Variants in DRP2 observed in about 807,000 individuals in gnomAD.
DRP2 encodes the protein dystrophin related protein 2.
A neutral mutation model predicts 78.2 loss-of-function variants in DRP2; 29 were observed. The observed-to-expected ratio is 0.37, with a 90% CI of 0.28 to 0.51. DRP2 has a LOEUF of 0.51. Among genes scored for constraint, DRP2 ranks in the 20% least tolerant of loss-of-function variants. The probability of loss-of-function intolerance (pLI) is 0.94; values close to 1 mark genes in which losing one functional copy is unlikely to be tolerated. For synonymous variants in DRP2, 290 were observed against 281.9 expected, an observed-to-expected ratio of 1.03 and a Z score of -0.29; for missense variants, 686 against 770.6, an observed-to-expected ratio of 0.89 and a Z score of 1.30.
At position 101,260,559 on chromosome X, in the gene DRP2, C is replaced by T. The variant is rs141816203; in HGVS notation, c.2812C>T (p.Arg938Cys). Residue 938 changes from arginine (R) to cysteine (C), a missense_variant, in exon 24 of 24, where the codon CGT (arginine) becomes TGT (cysteine). By Grantham distance (180) the Arg-to-Cys change is radical (BLOSUM62 -3). Around this residue, in one of 2 missense-constraint regions of DRP2, gnomAD observed 423 missense variants for 531.5 expected, o/e 0.80. Coordinates refer to ENST00000395209, the MANE Select transcript of DRP2 (RefSeq NM_001939.3). Reference protein sequence around the residue: ...LCLEDIMEKLRHAFPSVRSSD... With the variant: ...LCLEDIMEKLCHAFPSVRSSD... The stretch of plus-strand genomic sequence containing the variant: ...CTTGGAGGACATCATGGAGAAACTC[C>T]GTCATGCCTTCCCCAGTGTGCGAAG... The T allele has an allele frequency of 1.6e-4, 188 of 1,209,293 alleles. No individual in the cohort carries two copies. Among genetic ancestry groups the T allele is most frequent in the Non-Finnish European group, 2.0e-4 (181 of 894,957 alleles).
Position 101,241,904 on chromosome X carries a change from G to A in DRP2, c.796G>A (p.Asp266Asn). The change falls in exon 7 of 24, where the codon GAT becomes AAT. Residue 266 changes from aspartate (D) to asparagine (N), a missense_variant. Around this residue, in one of 2 missense-constraint regions of DRP2, gnomAD observed 263 missense variants for 239.1 expected, o/e 1.10. Transcript: ENST00000395209. ...GGAGCCCATTGGGGATCTCTTCATTGATTCACTCCCAGAGCACATCCAGGC... is the reference window on the plus strand; with the variant it reads ...GGAGCCCATTGGGGATCTCTTCATTAATTCACTCCCAGAGCACATCCAGGC... ...TWEPIGDLFI[D>N]SLPEHIQAIK... is the part of the protein sequence containing the mutation. The A allele has an allele frequency of 8.5e-7, 1 of 1,170,761 alleles. No individual in the cohort carries two copies. Among genetic ancestry groups the A allele is most frequent in the Non-Finnish European group, 1.1e-6 (1 of 874,816 alleles).
chrX:101,222,437 T>C (rs1383294635), intron 1 of DRP2, among the ~76,000 whole-genome samples: 2 of 112,343 alleles, frequency 1.8e-5, no homozygotes, highest in Non-Finnish European at 3.8e-5. Flanking sequence ...AAGAGGTTAA[T>C]CATATTGTTT....
chrX:101,249,029 A>G (rs1923037683), intron 14 of DRP2, among the ~76,000 whole-genome samples: 1 of 112,089 alleles, frequency 8.9e-6, no homozygotes, highest in South Asian at 3.7e-4. Flanking sequence ...GGAGGCGGAC[A>G]CTATGTTCTT....
At position 101,260,118 on chromosome X, in the gene DRP2, G is replaced by C. The variant is rs773263843; in HGVS notation, c.2698G>C (p.Gly900Arg). Residue 900 changes from glycine to arginine, a missense_variant, in exon 23 of 24, where the codon GGC becomes CGC. Transcript: ENST00000395209. ...SLASSPQQSE[G>R]SHPREKGQTT... ...AGCTTCCTCTCCACAGCAGTCAGAA[G>C]GCAGTCACCCCCGGGAGAAGGGACA... 8.3e-7 allele frequency: 1 copy of C among 1,211,552 alleles called. No homozygotes were observed. The highest frequency in any genetic ancestry group is 1.7e-5 in the African/African-American group (1 of 57,689).
intron 11 of DRP2, among the ~76,000 whole-genome samples, chrX:101,246,110 A>G (rs1226029187): frequency 8.9e-6 from 1 of 112,292 alleles, no homozygotes; most frequent in East Asian, 2.8e-4. Context: ...AAAGAATAGA[A>G]GAGAATCGCA....
rs1052305267 is a variant in DRP2 at position 101,247,837 on chromosome X, A to G, written c.1253-252A>G. Reference sequence around the variant, plus strand: ...TAGGAGTTGAGTTTACTCATGTCCCATCATCTTTTTGAAACTGATGTCAAA... The same window carrying G: ...TAGGAGTTGAGTTTACTCATGTCCCGTCATCTTTTTGAAACTGATGTCAAA... On this transcript the variant is annotated intron_variant, in intron 12 of 23. Coordinates refer to ENST00000395209, the MANE Select transcript of DRP2 (RefSeq NM_001939.3). Among the ~76,000 whole-genome samples, 8 of 112,565 alleles carry G rather than the reference A, an allele frequency of 7.1e-5. No homozygotes were observed. In the Admixed American group the frequency reaches 7.5e-4, roughly 11 times the overall value.
At chrX:101,234,966 G>A (rs747787507) in intron 3 of DRP2, among the ~76,000 whole-genome samples, 16 of 110,588 alleles carry the variant, frequency 1.4e-4, no homozygotes, top group African/African-American at 4.9e-4. Context: ...CTAGTCTGGG[G>A]TAGAGCAGCC....
At chrX:101,224,182 G>GTTTTTT (rs1214156680) in intron 1 of DRP2, among the ~76,000 whole-genome samples, 10 of 44,216 alleles carry the variant, frequency 2.3e-4, no homozygotes, top group Non-Finnish European at 3.3e-4. Flanking sequence ...TGTTTGCTGG[G>GTTTTTT]TTTTTTTTGT....
chrX:101,239,247 G>A (rs1922627924), intron 6 of DRP2, 146 bp downstream of exon 6: 1 of 797,551 alleles, frequency 1.3e-6, no homozygotes, highest in Non-Finnish European at 1.7e-6. Flanking sequence ...AAAGTTGGGG[G>A]GAAGCAAGAT....
rs2147358271 is a variant in DRP2 at position 101,262,617 on chromosome X, T to C, written c.*1996T>C. On this transcript the variant is annotated 3_prime_UTR_variant, in exon 24 of 24. Transcript: ENST00000395209. ...GGGCAGTGGCTTGGGTCCAGAAGCT[T>C]AGGGTTGCCTCCTCCACCACTAAGT... 1 of 110,794 alleles carries C rather than the reference T, an allele frequency of 9.0e-6. No homozygotes were observed. The highest frequency in any genetic ancestry group is 9.6e-5 in the Admixed American group (1 of 10,374). The allele number at this position is 110,794 out of a possible 1,213,427, so 9.1% of individuals were successfully genotyped here.
At chrX:101,251,335 G>T in intron 16 of DRP2, 1 of 264,658 alleles carries the variant, frequency 3.8e-6, no homozygotes, top group Non-Finnish European at 6.6e-6. Flanking sequence ...AAGAACATAG[G>T]TGTAAGAGCA....
At chrX:101,242,240 G>T (rs946564726) in intron 7 of DRP2, 85 bp from the exon 8 acceptor site, 14 of 1,140,373 alleles carry the variant, frequency 1.2e-5, no homozygotes, top group Non-Finnish European at 1.6e-5. Flanking sequence ...AAACCTCTGG[G>T]TGAAGAGGGA....
chrX:101,222,755 G>T (rs369564663), intron 1 of DRP2, among the ~76,000 whole-genome samples: 1 of 111,968 alleles, frequency 8.9e-6, no homozygotes, highest in East Asian at 2.8e-4. Flanking sequence ...TGAAAATCAG[G>T]TTATTCACTG....
intron 12 of DRP2, 131 bp from the exon 13 acceptor site, chrX:101,247,958 A>G (rs1922987812): frequency 1.1e-5 from 6 of 563,870 alleles, no homozygotes; most frequent in Non-Finnish European, 1.7e-5. Flanking sequence ...ACAAGCTTGT[A>G]TCATATTTGC....
At chrX:101,250,785 C>A (rs1923108968) in intron 15 of DRP2, 132 bp from the exon 16 acceptor site, 1 of 957,448 alleles carries the variant, frequency 1.0e-6, no homozygotes, top group South Asian at 2.3e-5. Flanking sequence ...TAGCACAGGG[C>A]AGAACGTGAA....
intron 5 of DRP2, 148 bp from the exon 6 acceptor site, chrX:101,238,833 G>A (rs1028818133): frequency 7.6e-6 from 5 of 660,245 alleles, no homozygotes; most frequent in South Asian, 3.4e-5. Flanking sequence ...AGGATTGCAC[G>A]CCTTTTTGTC....
intron 17 of DRP2, 107 bp downstream of exon 17, chrX:101,252,823 G>A (rs2147349649): frequency 1.7e-6 from 1 of 590,744 alleles, no homozygotes; most frequent in East Asian, 3.7e-5. Context: ...CCCGTGGGGA[G>A]CATTCTCCAA....
At chrX:101,229,464 G>T (rs1029731579) in intron 2 of DRP2, among the ~76,000 whole-genome samples, 1 of 111,559 alleles carries the variant, frequency 9.0e-6, no homozygotes, top group African/African-American at 3.3e-5. Flanking sequence ...TTGGACTATG[G>T]TCTCCTGAGG....
At chrX:101,232,381 GA>G (rs1421540172) in intron 3 of DRP2, among the ~76,000 whole-genome samples, 1 of 111,305 alleles carries the variant, frequency 9.0e-6, no homozygotes, top group African/African-American at 3.3e-5. Context: ...GAGGTCTAGG[GA>G]AAGTTGACTG....
Sources: gnomAD v4.1 joint callset for allele counts (sites outside exome capture counted in the v4.1 genomes callset) on GRCh38, gnomAD v4.1.1 for gene constraint, gnomAD v4.1.1 regional missense constraint, MANE v1.5 for transcripts, NCBI Gene and HGNC (gene_info 2026-07-23, HGNC 2026-07-21) for gene names.